TOM1L2: variants seen among roughly 807,000 people sequenced by gnomAD.
The protein encoded by TOM1L2 is TOM1-like protein 2.
TOM1L2 carries 31 observed loss-of-function variants against 67.9 expected under a neutral mutation model. That is an observed-to-expected ratio of 0.46 (90% CI 0.34 to 0.62). The LOEUF (loss-of-function observed/expected upper bound fraction) is 0.62, where lower values mean the gene tolerates loss of function less well. TOM1L2 is among the 20% of genes least tolerant of loss of function. The pLI is 0.01. For synonymous variants in TOM1L2, 256 were observed against 254.0 expected, an observed-to-expected ratio of 1.01 and a Z score of -0.07; for missense variants, 606 against 663.5, an observed-to-expected ratio of 0.91 and a Z score of 0.95.
intron 12 of TOM1L2, among the ~76,000 whole-genome samples, chr17:17,858,019 AAAG>A (rs2036340635): frequency 6.6e-6 from 1 of 152,148 alleles, no homozygotes; most frequent in South Asian, 2.1e-4. Flanking sequence ...TGCCTGGAAA[AAAG>A]AAGAAAAGTT....
At chr17:17,929,443 C>T (rs1384844734) in intron 1 of TOM1L2, among the ~76,000 whole-genome samples, 1 of 152,032 alleles carries the variant, frequency 6.6e-6, no homozygotes, top group Non-Finnish European at 1.5e-5. Flanking sequence ...ACCAGCCTGA[C>T]CAACGTGGAG....
At chr17:17,933,929 C>T (rs1199443538) in intron 1 of TOM1L2, among the ~76,000 whole-genome samples, 1 of 152,094 alleles carries the variant, frequency 6.6e-6, no homozygotes, top group Non-Finnish European at 1.5e-5. Context: ...ATGGCTGAAG[C>T]ATGAGACCCT....
In TOM1L2 at chr17:17,884,694, T is replaced by C. The variant is rs1157159491; in HGVS notation, c.441A>G (p.Lys147=). 1.9e-6 allele frequency: 3 copies of C among 1,614,044 alleles called. No individual in the cohort carries two copies. The highest frequency in any genetic ancestry group is 2.2e-5 in the South Asian group (2 of 91,078). Residue 147 remains lysine (K), a synonymous_variant, in exon 5 of 15, where the codon AAA becomes AAG. Coordinates refer to ENST00000379504, the MANE Select transcript of TOM1L2 (RefSeq NM_001082968.2). ...VVHIYEELKR[K]GVEFPMADLD... ...AGTCTGCCATGGGAAATTCAACCCC[T>C]TTCCTCTTCAGCTCCTCATATATGT...
rs752605260 is a variant in TOM1L2, at chr17:17,879,731, G to A, written c.673C>T (p.Arg225Trp). The A allele has an allele frequency of 3.5e-5, 57 of 1,613,988 alleles. No individual in the cohort carries two copies. In the African/African-American group the frequency reaches 6.1e-4, roughly 17 times the overall value. ...TANSEQIARL[R>W]SELDVVRGNT... ...CCTCGAACGACGTCCAGTTCACTCC[G>A]CAGCCTGGCAATCTGGTGGGGGCCA... The change falls in exon 7 of 15, where the codon CGG becomes TGG. Residue 225 changes from arginine (R) to tryptophan (W), a missense_variant. By Grantham distance (101) the Arg-to-Trp change is moderately radical (BLOSUM62 -3). Transcript: ENST00000379504.
intron 1 of TOM1L2, among the ~76,000 whole-genome samples, chr17:17,910,066 T>G (rs773152958): frequency 2.0e-5 from 3 of 152,098 alleles, no homozygotes; most frequent in Non-Finnish European, 4.4e-5. Context: ...AATGATAAAT[T>G]TAATGTTATG....
At chr17:17,880,383 C>T (rs1343123089) in intron 6 of TOM1L2, among the ~76,000 whole-genome samples, 1 of 152,204 alleles carries the variant, frequency 6.6e-6, no homozygotes. Context: ...TCAGCGATCC[C>T]AAAGCCTGGA....
intron 4 of TOM1L2, among the ~76,000 whole-genome samples, chr17:17,890,535 G>A (rs748122035): frequency 6.6e-6 from 1 of 152,180 alleles, no homozygotes; most frequent in Non-Finnish European, 1.5e-5. Flanking sequence ...AGTGGGAGGG[G>A]TAAATAAACT....
At chr17:17,920,237 C>T (rs1031373660) in intron 1 of TOM1L2, among the ~76,000 whole-genome samples, 2 of 150,456 alleles carry the variant, frequency 1.3e-5, no homozygotes, top group African/African-American at 4.9e-5. Context: ...TTAATTAATA[C>T]ATCTTTTATT....
intron 7 of TOM1L2, chr17:17,872,085 G>A (rs1371674815): frequency 3.1e-6 from 3 of 980,290 alleles, no homozygotes; most frequent in African/African-American, 1.8e-5. Context: ...ATGGCCACAG[G>A]CGCCAATGGA....
chr17:17,953,626 T>C (rs1362272787), intron 1 of TOM1L2, among the ~76,000 whole-genome samples: 1 of 152,148 alleles, frequency 6.6e-6, no homozygotes, highest in African/African-American at 2.4e-5. Context: ...GGATGGGGTG[T>C]AGAAACAGCC....
Position 17,893,661 on chromosome 17 carries a change from C to A in TOM1L2, c.366G>T (p.Gln122His). ...IVQDKVLALI[Q>H]AWADAFRSSP... ...AAATTGGGCAAGGGGTCCAACCTAC[C>A]TGGATCAGAGCAAGCACTTTGTCCT... Residue 122 changes from glutamine (Q) to histidine (H), a missense_variant and splice_region_variant, in exon 4 of 15, where the codon CAG becomes CAT. This residue lies in a region of TOM1L2 where 543 missense variants were observed against 554.0 expected (regional missense o/e 0.98). Transcript: ENST00000379504. 1 of 1,613,596 alleles carries A rather than the reference C, an allele frequency of 6.2e-7. No homozygotes were observed.
intron 1 of TOM1L2, among the ~76,000 whole-genome samples, chr17:17,921,944 G>A (rs1242162139): frequency 2.0e-5 from 3 of 151,758 alleles, no homozygotes; most frequent in Non-Finnish European, 4.4e-5. Context: ...GTGCCACACT[G>A]TCACCAGCCT....
chr17:17,900,417 G>C (rs1415719331), intron 2 of TOM1L2, among the ~76,000 whole-genome samples: 2 of 151,220 alleles, frequency 1.3e-5, no homozygotes, highest in African/African-American at 4.9e-5. Context: ...AGGTACTCTG[G>C]AGGCTGAGGC....
chr17:17,861,336 G>A (rs568917801), intron 12 of TOM1L2, 140 bp downstream of exon 12: 26 of 680,916 alleles, frequency 3.8e-5, no homozygotes, highest in African/African-American at 3.1e-4. Flanking sequence ...TCCACGGGGT[G>A]TCCCCCGTGG....
At chr17:17,864,402 G>A (rs989953686) in intron 10 of TOM1L2, among the ~76,000 whole-genome samples, 25 of 151,678 alleles carry the variant, frequency 1.6e-4, no homozygotes, top group Admixed American at 6.6e-4. Flanking sequence ...AGTAGAGACA[G>A]GGTTTCACCG....
At chr17:17,864,789 G>A (rs377150768) in intron 10 of TOM1L2, among the ~76,000 whole-genome samples, 55 of 152,248 alleles carry the variant, frequency 3.6e-4, no homozygotes, top group African/African-American at 1.3e-3. Flanking sequence ...TGGGATTACC[G>A]GTGTTACACT....
Position 17,884,693 on chromosome 17 carries a change from C to T in TOM1L2, c.442G>A (p.Gly148Arg). ...VHIYEELKRK[G>R]VEFPMADLDA... ...AAGTCTGCCATGGGAAATTCAACCCCTTTCCTCTTCAGCTCCTCATATATG... is the reference window on the plus strand; with the variant it reads ...AAGTCTGCCATGGGAAATTCAACCCTTTTCCTCTTCAGCTCCTCATATATG... The change falls in exon 5 of 15, where the codon GGG becomes AGG. Residue 148 changes from glycine to arginine, a missense_variant. Physicochemically the swap from Gly to Arg is moderately radical, Grantham distance 125. Around this residue, in one of 2 missense-constraint regions of TOM1L2, gnomAD observed 543 missense variants for 554.0 expected, o/e 0.98. Transcript: ENST00000379504. 1 of 1,614,092 alleles carries T rather than the reference C, an allele frequency of 6.2e-7. No homozygotes were observed. The highest frequency in any genetic ancestry group is 8.5e-7 in the Non-Finnish European group (1 of 1,180,038).
At chr17:17,929,788 C>CGA (rs2040251302) in intron 1 of TOM1L2, among the ~76,000 whole-genome samples, 1 of 152,240 alleles carries the variant, frequency 6.6e-6, no homozygotes, top group South Asian at 2.1e-4. Context: ...TCTGCACACA[C>CGA]TTTCAACAGG....
At chr17:17,852,363 G>A (rs1312510827) in intron 12 of TOM1L2, among the ~76,000 whole-genome samples, 3 of 152,076 alleles carry the variant, frequency 2.0e-5, no homozygotes, top group African/African-American at 4.8e-5. Flanking sequence ...CCAGCACTCT[G>A]AGCAGGTATC....
Sources: gnomAD v4.1 joint callset for allele counts (sites outside exome capture counted in the v4.1 genomes callset) on GRCh38, gnomAD v4.1.1 for gene constraint, gnomAD v4.1.1 regional missense constraint, MANE v1.5 for transcripts, NCBI Gene and HGNC (gene_info 2026-07-23, HGNC 2026-07-21) for gene names.